DGKI: variants seen among roughly 807,000 people sequenced by gnomAD.
DGKI encodes diacylglycerol kinase iota, also known as DAG kinase iota.
DGKI carries 55 observed loss-of-function variants against 147.5 expected under a neutral mutation model. That is an observed-to-expected ratio of 0.37 (90% confidence interval 0.30 to 0.47). The LOEUF (loss-of-function observed/expected upper bound fraction) is 0.47. Ranked by LOEUF, DGKI falls within the 20% of genes least tolerant of loss-of-function variation. The pLI, the probability that DGKI is intolerant of heterozygous loss-of-function variation, is 1.00. For synonymous variants in DGKI, 469 were observed against 477.1 expected, an observed-to-expected ratio of 0.98 and a Z score of 0.22; for missense variants, 1,007 against 1,323.8, an observed-to-expected ratio of 0.76 and a Z score of 3.71.
At chr7:137,809,685 T>C (rs923165311) in intron 1 of DGKI, among the ~76,000 whole-genome samples, 5 of 152,102 alleles carry the variant, frequency 3.3e-5, no homozygotes, top group Non-Finnish European at 5.9e-5. Context: ...GGAAGGCAGA[T>C]TGCTTAAGCT....
intron 20 of DGKI, 75 bp downstream of exon 20, chr7:137,552,294 C>G (rs1455206317): frequency 2.0e-6 from 3 of 1,531,930 alleles, no homozygotes; most frequent in Admixed American, 3.4e-5. Flanking sequence ...GTGAGGTCCC[C>G]AGACCATGCA....
At chr7:137,440,725 T>C (rs1283635992) in intron 28 of DGKI, among the ~76,000 whole-genome samples, 1 of 152,232 alleles carries the variant, frequency 6.6e-6, no homozygotes, top group Non-Finnish European at 1.5e-5. Flanking sequence ...AGTTGGAGCA[T>C]GCGAGCACAG....
intron 6 of DGKI, among the ~76,000 whole-genome samples, chr7:137,634,635 G>T (rs1821247723): frequency 6.6e-6 from 1 of 152,254 alleles, no homozygotes; most frequent in South Asian, 2.1e-4. Flanking sequence ...GCATGAGTAG[G>T]TGGCTCAGAT....
At chr7:137,632,578 G>T (rs1821158742) in intron 6 of DGKI, among the ~76,000 whole-genome samples, 1 of 152,128 alleles carries the variant, frequency 6.6e-6, no homozygotes, top group African/African-American at 2.4e-5. Context: ...AAAGATACAG[G>T]CCGGGCATGG....
At chr7:137,771,003 G>A (rs560338052) in intron 1 of DGKI, among the ~76,000 whole-genome samples, 4 of 152,110 alleles carry the variant, frequency 2.6e-5, no homozygotes, top group East Asian at 1.9e-4. Context: ...CTGTGTAATC[G>A]TCAGCTTCCA....
Position 137,535,799 on chromosome 7 carries a change from G to A in DGKI, c.2148-13833C>T, listed in dbSNP as rs575702590. On this transcript the variant is annotated intron_variant, in intron 20 of 32. Transcript: ENST00000614521. The stretch of plus-strand genomic sequence containing the variant: ...CCTTTACATAAGTGGACTGATTGCC[G>A]AGCTCTGGGTGGACTGTTACTAATA... Among the ~76,000 whole-genome samples the A allele has an allele frequency of 8.3e-4, 126 of 152,242 alleles. 1 individual carries two copies. Among genetic ancestry groups the A allele is most frequent in the African/African-American group, 2.8e-3 (118 of 41,534 alleles).
At chr7:137,815,074 A>C (rs1563210251) in intron 1 of DGKI, among the ~76,000 whole-genome samples, 1 of 152,312 alleles carries the variant, frequency 6.6e-6, no homozygotes, top group East Asian at 1.9e-4. Context: ...TAAAAAAAAA[A>C]ACTAAATAAT....
intron 1 of DGKI, among the ~76,000 whole-genome samples, chr7:137,691,747 T>G (rs2116461713): frequency 6.7e-6 from 1 of 148,270 alleles, no homozygotes; most frequent in South Asian, 2.2e-4. Flanking sequence ...GTGCAACCAT[T>G]AATCAATTAC....
chr7:137,596,240 C>T lies in DGKI; in HGVS notation c.1311+1607G>A, dbSNP rs144923369. On this transcript the variant is annotated intron_variant, in intron 12 of 32. Transcript: ENST00000614521. ...ACATCCTCAACTTATCTGTTTTTGT[C>T]ACTGAGGTTTAGAAAAGGAGAAAAG... Among the ~76,000 whole-genome samples the T allele has an allele frequency of 2.0e-5, 3 of 151,978 alleles. No homozygotes were observed. The East Asian group carries it at 5.8e-4, about 29-fold the overall frequency.
intron 28 of DGKI, among the ~76,000 whole-genome samples, chr7:137,422,768 C>T (rs1812630542): frequency 6.6e-6 from 1 of 151,824 alleles, no homozygotes; most frequent in Non-Finnish European, 1.5e-5. Flanking sequence ...CCACACCTGG[C>T]TAATTTTTTG....
At chr7:137,609,408 G>A (rs1820289574) in intron 9 of DGKI, 127 bp downstream of exon 9, 2 of 692,942 alleles carry the variant, frequency 2.9e-6, no homozygotes, top group Non-Finnish European at 5.0e-6. Flanking sequence ...TGTGGTTAGA[G>A]TGTAGTGAGG....
At chr7:137,570,213 C>T (rs980772687) in intron 19 of DGKI, among the ~76,000 whole-genome samples, 1 of 152,086 alleles carries the variant, frequency 6.6e-6, no homozygotes, top group African/African-American at 2.4e-5. Context: ...CTCAGTGTGG[C>T]CTGATTTACA....
intron 28 of DGKI, among the ~76,000 whole-genome samples, chr7:137,423,554 G>A (rs1812664472): frequency 6.6e-6 from 1 of 152,172 alleles, no homozygotes; most frequent in Non-Finnish European, 1.5e-5. Context: ...AGTTAAGTAT[G>A]TACTAGAGCT....
At chr7:137,474,291 C>T (rs1815090296) in intron 23 of DGKI, among the ~76,000 whole-genome samples, 2 of 152,202 alleles carry the variant, frequency 1.3e-5, no homozygotes, top group Admixed American at 1.3e-4. Flanking sequence ...GATGAAAATG[C>T]TTCACCTACA....
chr7:137,424,912 C>G (rs1812728339), intron 28 of DGKI, among the ~76,000 whole-genome samples: 1 of 152,270 alleles, frequency 6.6e-6, no homozygotes, highest in Admixed American at 6.5e-5. Flanking sequence ...GAGCCCACCA[C>G]AGCTCAAGGA....
At chr7:137,657,344 C>T (rs533049089) in intron 3 of DGKI, among the ~76,000 whole-genome samples, 1 of 152,182 alleles carries the variant, frequency 6.6e-6, no homozygotes, top group African/African-American at 2.4e-5. Flanking sequence ...GGCTTCAGAG[C>T]TCATGCTTAT....
intron 1 of DGKI, among the ~76,000 whole-genome samples, chr7:137,769,166 A>G (rs1048329281): frequency 6.6e-6 from 1 of 152,192 alleles, no homozygotes; most frequent in Non-Finnish European, 1.5e-5. Context: ...GCGACACCCA[A>G]GGGAGACACG....
At chr7:137,631,094 T>A (rs1177565476) in intron 6 of DGKI, among the ~76,000 whole-genome samples, 2 of 152,210 alleles carry the variant, frequency 1.3e-5, no homozygotes, top group East Asian at 3.8e-4. Flanking sequence ...TAACATATAA[T>A]CTTGCCGATG....
chr7:137,477,002 C>T (rs573192689), intron 23 of DGKI, among the ~76,000 whole-genome samples: 17 of 152,306 alleles, frequency 1.1e-4, no homozygotes, highest in African/African-American at 4.1e-4. Flanking sequence ...AGGAAGAAAG[C>T]AAACCTAGAA....
Sources: allele counts gnomAD v4.1 joint callset (sites outside exome capture counted in the v4.1 genomes callset), GRCh38; gene constraint gnomAD v4.1.1; transcripts MANE v1.5; gene names NCBI Gene and HGNC (gene_info 2026-07-23, HGNC 2026-07-21).